The following LINGO2 variants were observed in gnomAD, a reference collection of about 807,000 sequenced individuals.
The protein encoded by LINGO2 is leucine-rich repeat and immunoglobulin-like domain-containing nogo receptor-interacting protein 2.
In LINGO2, 14 loss-of-function variants were observed where a neutral mutation model predicts 30.6. The observed-to-expected ratio is 0.46, with a 90% confidence interval of 0.30 to 0.72. The LOEUF (loss-of-function observed/expected upper bound fraction) is 0.72. Among genes scored for constraint, LINGO2 ranks in the 30% least tolerant of loss-of-function variants. LINGO2 has a pLI of 0.07. For synonymous variants in LINGO2, 317 were observed against 288.5 expected, an observed-to-expected ratio of 1.10 and a Z score of -1.00; for missense variants, 729 against 751.7, an observed-to-expected ratio of 0.97 and a Z score of 0.35.
At chr9:28,902,685 C>T in the LINGO2 span, among the ~76,000 whole-genome samples, 2 of 152,126 alleles carry the variant, frequency 1.3e-5, no homozygotes, top group Admixed American at 6.5e-5. Context: ...ATTCAAGTAT[C>T]CCTTCTGACC....
At chr9:28,392,574 G>A (rs889208662) in intron 2 of LINGO2, among the ~76,000 whole-genome samples, 2 of 152,142 alleles carry the variant, frequency 1.3e-5, no homozygotes, top group Non-Finnish European at 2.9e-5. Flanking sequence ...CAGTTAAACC[G>A]CATTCCCAAC....
chr9:28,550,543 C>T (rs2135499615), intron 1 of LINGO2, among the ~76,000 whole-genome samples: 1 of 151,778 alleles, frequency 6.6e-6, no homozygotes, highest in South Asian at 2.1e-4. Flanking sequence ...TCAAATTGTT[C>T]TATTATTTCA....
the LINGO2 span, among the ~76,000 whole-genome samples, chr9:28,820,230 G>A: frequency 2.8e-5 from 4 of 145,420 alleles, no homozygotes; most frequent in Admixed American, 6.9e-5. Context: ...GAAAGGGCAC[G>A]TGCTGGAGAA....
intron 4 of LINGO2, among the ~76,000 whole-genome samples, chr9:28,056,028 T>G (rs1303407696): frequency 6.6e-6 from 1 of 152,084 alleles, no homozygotes; most frequent in East Asian, 1.9e-4. Context: ...AATGAAAACT[T>G]AAGACAAAAG....
chr9:28,854,977 T>C, the LINGO2 span, among the ~76,000 whole-genome samples: 3 of 152,014 alleles, frequency 2.0e-5, no homozygotes, highest in African/African-American at 7.2e-5. Flanking sequence ...AACATTACTA[T>C]ATATTAAGTA....
the LINGO2 span, among the ~76,000 whole-genome samples, chr9:28,986,901 C>T: frequency 6.6e-6 from 1 of 152,036 alleles, no homozygotes; most frequent in Admixed American, 6.6e-5. Context: ...CAAGCCATTG[C>T]AAGTTGGAGA....
chr9:28,120,163 T>C lies in LINGO2; in HGVS notation c.-86-107758A>G, dbSNP rs554027483. 3.0e-4 allele frequency among the ~76,000 whole-genome samples: 45 copies of C among 152,254 alleles called. 1 individual carries two copies. Among genetic ancestry groups the C allele is most frequent in the Admixed American group, 1.0e-3 (16 of 15,292 alleles). ...TAATGGAACTAAGGAGGAAACTACA[T>C]AGACCATAAAAGCCTCGGCTGCTAT... is the stretch of plus-strand genomic sequence containing the variant. On this transcript the variant is annotated intron_variant, in intron 4 of 5. Transcript: ENST00000379992.
At chr9:28,120,836 A>T (rs1381446043) in intron 4 of LINGO2, among the ~76,000 whole-genome samples, 1 of 152,194 alleles carries the variant, frequency 6.6e-6, no homozygotes, top group Non-Finnish European at 1.5e-5. Context: ...AGGAAGCTTT[A>T]CGTACCTTTT....
At chr9:29,119,166 A>G in the LINGO2 span, among the ~76,000 whole-genome samples, 1 of 152,198 alleles carries the variant, frequency 6.6e-6, no homozygotes, top group East Asian at 1.9e-4. Flanking sequence ...AGCATTCCCA[A>G]TAGGGGCTTG....
intron 5 of LINGO2, among the ~76,000 whole-genome samples, chr9:27,997,164 C>T (rs1358456297): frequency 6.6e-6 from 1 of 152,162 alleles, no homozygotes; most frequent in Non-Finnish European, 1.5e-5. Flanking sequence ...AAGCCCAGTA[C>T]AACTTTCTGC....
At chr9:28,467,371 A>C (rs958532670) in intron 2 of LINGO2, among the ~76,000 whole-genome samples, 3 of 152,106 alleles carry the variant, frequency 2.0e-5, no homozygotes, top group African/African-American at 7.2e-5. Flanking sequence ...TTCAAATCAT[A>C]TACTAGAGTA....
At chr9:28,551,179 TTAAA>T (rs146019521) in intron 1 of LINGO2, among the ~76,000 whole-genome samples, 6,468 of 151,868 alleles carry the variant, frequency 0.043, 341 homozygotes, top group African/African-American at 0.12. Context: ...ATTTTAAACT[TTAAA>T]TAGATTACTA....
intron 2 of LINGO2, among the ~76,000 whole-genome samples, chr9:28,469,703 T>C (rs1825446576): frequency 6.6e-6 from 1 of 152,150 alleles, no homozygotes; most frequent in Non-Finnish European, 1.5e-5. Context: ...CCTGTCAATC[T>C]AGAATCTTAT....
At chr9:28,050,155 G>A (rs1185652960) in intron 4 of LINGO2, among the ~76,000 whole-genome samples, 1 of 150,550 alleles carries the variant, frequency 6.6e-6, no homozygotes, top group African/African-American at 2.5e-5. Flanking sequence ...GGGTGGCTGA[G>A]TGAAGCAACT....
chr9:28,927,888 G>A, the LINGO2 span, among the ~76,000 whole-genome samples: 1 of 152,214 alleles, frequency 6.6e-6, no homozygotes, highest in Non-Finnish European at 1.5e-5. Flanking sequence ...TAGCTCATAA[G>A]TGACAGAGTT....
intron 5 of LINGO2, among the ~76,000 whole-genome samples, chr9:28,004,138 T>C (rs1250245375): frequency 6.6e-6 from 1 of 152,330 alleles, no homozygotes; most frequent in East Asian, 1.9e-4. Flanking sequence ...GGCCCCTTAT[T>C]AATCTAGCTT....
chr9:28,594,441 A>G (rs1825074315), intron 1 of LINGO2, among the ~76,000 whole-genome samples: 1 of 152,022 alleles, frequency 6.6e-6, no homozygotes, highest in Non-Finnish European at 1.5e-5. Flanking sequence ...ATCCTCCACT[A>G]AGTCAAACTG....
the LINGO2 span, among the ~76,000 whole-genome samples, chr9:28,868,285 G>T: frequency 2.6e-5 from 4 of 152,036 alleles, no homozygotes; most frequent in African/African-American, 9.7e-5. Context: ...TTCAGTCATT[G>T]AAGGGTTTAG....
the LINGO2 span, among the ~76,000 whole-genome samples, chr9:28,847,067 G>C: frequency 6.8e-6 from 1 of 147,914 alleles, no homozygotes; most frequent in African/African-American, 2.5e-5. Context: ...GCCCCAACAA[G>C]CTACATGGCT....
Sources: allele counts gnomAD v4.1 joint callset (sites outside exome capture counted in the v4.1 genomes callset), GRCh38; gene constraint gnomAD v4.1.1; transcripts MANE v1.5; gene names NCBI Gene and HGNC (gene_info 2026-07-23, HGNC 2026-07-21).